ADGRB3: variants seen among roughly 807,000 people sequenced by gnomAD.
ADGRB3 encodes brain-specific angiogenesis inhibitor 3.
Under a neutral mutation model 193.4 loss-of-function variants are expected in ADGRB3, and 37 were observed. The ratio of observed to expected loss-of-function variants is 0.19; its 90% confidence interval spans 0.15 to 0.25. ADGRB3 has a LOEUF of 0.25. ADGRB3 is among the 10% of genes least tolerant of loss of function. The pLI, the probability that ADGRB3 is intolerant of heterozygous loss-of-function variation, is 1.00. For synonymous variants in ADGRB3, 690 were observed against 644.2 expected, an observed-to-expected ratio of 1.07 and a Z score of -1.08; for missense variants, 1,637 against 1,852.9, an observed-to-expected ratio of 0.88 and a Z score of 2.14.
chr6:69,015,812 A>G (rs1179810044), intron 12 of ADGRB3, among the ~76,000 whole-genome samples: 1 of 151,936 alleles, frequency 6.6e-6, no homozygotes, highest in African/African-American at 2.4e-5. Context: ...GTTTAGATAA[A>G]GCATCCTACT....
chr6:69,209,120 G>T (rs1273846429), intron 17 of ADGRB3, among the ~76,000 whole-genome samples: 1 of 152,192 alleles, frequency 6.6e-6, no homozygotes, highest in Non-Finnish European at 1.5e-5. Flanking sequence ...CATTGGATCT[G>T]CTGGCTCGTA....
At chr6:69,273,048 G>A (rs547404212) in intron 20 of ADGRB3, among the ~76,000 whole-genome samples, 143 of 152,152 alleles carry the variant, frequency 9.4e-4, no homozygotes, top group Non-Finnish European at 1.1e-3. Context: ...CCACAAGCCC[G>A]TGCCACCATG....
intron 17 of ADGRB3, among the ~76,000 whole-genome samples, chr6:69,220,977 T>C (rs759152339): frequency 2.0e-5 from 3 of 152,060 alleles, no homozygotes; most frequent in Non-Finnish European, 4.4e-5. Flanking sequence ...GATTTCTTAA[T>C]TGGGGTTGTC....
intron 3 of ADGRB3, among the ~76,000 whole-genome samples, chr6:68,720,004 A>G (rs1765549488): frequency 6.6e-6 from 1 of 151,746 alleles, no homozygotes; most frequent in Non-Finnish European, 1.5e-5. Context: ...TCATTTAGGT[A>G]ATTACCATTG....
intron 3 of ADGRB3, among the ~76,000 whole-genome samples, chr6:68,747,700 A>G (rs1766111308): frequency 6.6e-6 from 1 of 152,216 alleles, no homozygotes; most frequent in Admixed American, 6.5e-5. Flanking sequence ...TGAATAGTTT[A>G]TAGGAGATTA....
intron 3 of ADGRB3, among the ~76,000 whole-genome samples, chr6:68,927,389 C>A (rs959277595): frequency 6.6e-6 from 1 of 152,046 alleles, no homozygotes. Context: ...TTACCTCAAC[C>A]CACATTCACC....
intron 20 of ADGRB3, among the ~76,000 whole-genome samples, chr6:69,302,628 A>G (rs1767971200): frequency 6.6e-6 from 1 of 151,972 alleles, no homozygotes; most frequent in Non-Finnish European, 1.5e-5. Context: ...ACAGTACTCT[A>G]TGGAAAGGAT....
At chr6:69,239,756 G>T (rs1409650379) in intron 20 of ADGRB3, among the ~76,000 whole-genome samples, 1 of 151,868 alleles carries the variant, frequency 6.6e-6, no homozygotes, top group Non-Finnish European at 1.5e-5. Flanking sequence ...TTCACCTAAA[G>T]GTATTTTGAT....
intron 3 of ADGRB3, among the ~76,000 whole-genome samples, chr6:68,735,295 C>T (rs527463580): frequency 6.6e-6 from 1 of 151,666 alleles, no homozygotes; most frequent in South Asian, 2.1e-4. Flanking sequence ...AATATGTTTG[C>T]CTATTTTCTG....
intron 3 of ADGRB3, among the ~76,000 whole-genome samples, chr6:68,793,251 G>T (rs896131720): frequency 1.3e-5 from 2 of 151,978 alleles, no homozygotes; most frequent in Non-Finnish European, 2.9e-5. Flanking sequence ...TTCATATCTA[G>T]ATTTTCACCT....
chr6:69,295,910 C>T (rs932022365), intron 20 of ADGRB3, among the ~76,000 whole-genome samples: 1 of 152,148 alleles, frequency 6.6e-6, no homozygotes, highest in African/African-American at 2.4e-5. Flanking sequence ...TTCTTATTCA[C>T]ATAGCAGAAC....
At position 69,071,083 on chromosome 6, in the gene ADGRB3, T is replaced by C. The variant is rs113703036; in HGVS notation, c.2437-4912T>C. ...AGTTTTGCTCATCCTTGTATCACAG[T>C]GCCTTGAATGGTTCTTGGAATGTAA... On this transcript the variant is annotated intron_variant, in intron 16 of 31. Transcript: ENST00000370598. Among the ~76,000 whole-genome samples, 193 of 152,330 alleles carry C rather than the reference T, an allele frequency of 1.3e-3. 2 individuals are homozygous for C. The highest frequency in any genetic ancestry group is 4.6e-3 in the African/African-American group (190 of 41,596).
intron 3 of ADGRB3, among the ~76,000 whole-genome samples, chr6:68,826,621 A>G (rs1767849075): frequency 6.6e-6 from 1 of 152,170 alleles, no homozygotes; most frequent in Admixed American, 6.5e-5. Flanking sequence ...GTTGAGATAG[A>G]CTGGAATTGG....
At chr6:69,307,309 A>T (rs2127298954) in intron 20 of ADGRB3, among the ~76,000 whole-genome samples, 1 of 151,616 alleles carries the variant, frequency 6.6e-6, no homozygotes, top group South Asian at 2.1e-4. Flanking sequence ...TTTCTTATGT[A>T]TTTCAGAATC....
At chr6:69,275,988 G>T (rs1052035950) in intron 20 of ADGRB3, among the ~76,000 whole-genome samples, 3 of 152,044 alleles carry the variant, frequency 2.0e-5, no homozygotes, top group Non-Finnish European at 4.4e-5. Flanking sequence ...TTTAATTGCT[G>T]CATCTCCATG....
chr6:69,311,965 C>T (rs1209596194), intron 20 of ADGRB3, among the ~76,000 whole-genome samples: 2 of 151,782 alleles, frequency 1.3e-5, no homozygotes, highest in Non-Finnish European at 2.9e-5. Flanking sequence ...TTATTGAGAA[C>T]TTAGTATATG....
intron 17 of ADGRB3, among the ~76,000 whole-genome samples, chr6:69,137,078 A>ATTTTTTTG (rs1193270145): frequency 4.1e-5 from 5 of 121,422 alleles, no homozygotes; most frequent in South Asian, 2.6e-4. Context: ...TTTTTTTTTA[A>ATTTTTTTG]TGGTAAGATC....
chr6:68,678,792 A>G (rs1057351765), intron 3 of ADGRB3, among the ~76,000 whole-genome samples: 19 of 152,162 alleles, frequency 1.2e-4, no homozygotes, highest in Non-Finnish European at 2.5e-4. Flanking sequence ...AAAAATAATA[A>G]CACTGTATTG....
At chr6:68,816,096 AT>A (rs1265192626) in intron 3 of ADGRB3, among the ~76,000 whole-genome samples, 2 of 152,198 alleles carry the variant, frequency 1.3e-5, no homozygotes, top group East Asian at 3.9e-4. Context: ...ATTTGGAAGA[AT>A]AAAAATTAGT....
Sources: allele counts gnomAD v4.1 joint callset (sites outside exome capture counted in the v4.1 genomes callset), GRCh38; gene constraint gnomAD v4.1.1; transcripts MANE v1.5; gene names NCBI Gene and HGNC (gene_info 2026-07-23, HGNC 2026-07-21).